NDST3: variants seen among roughly 807,000 people sequenced by gnomAD.
NDST3 encodes N-deacetylase and N-sulfotransferase 3, also known as bifunctional heparan sulfate N-deacetylase/N-sulfotransferase 3.
In NDST3, 58 loss-of-function variants were observed where a neutral mutation model predicts 96.1. The observed-to-expected ratio is 0.60, with a 90% CI of 0.49 to 0.75. The LOEUF (loss-of-function observed/expected upper bound fraction) is 0.75, where lower values mean the gene tolerates loss of function less well. Ranked by LOEUF, NDST3 falls within the 30% of genes least tolerant of loss-of-function variation. The pLI is 0.00. For synonymous variants in NDST3, 333 were observed against 359.7 expected, an observed-to-expected ratio of 0.93 and a Z score of 0.84; for missense variants, 788 against 1,034.2, an observed-to-expected ratio of 0.76 and a Z score of 3.27.
rs541685069 is a variant in NDST3 at position 118,154,292 on chromosome 4, C to A, written c.1539+10608C>A. On this transcript the variant is annotated intron_variant, in intron 6 of 13. Coordinates refer to ENST00000296499, the MANE Select transcript of NDST3 (RefSeq NM_004784.3). ...GTGATTATTTGTGTGTGCATCTTTT[C>A]TACTGTATAATGGGGCATTCTTATT... Among the ~76,000 whole-genome samples, 6 of 152,260 alleles carry A rather than the reference C, an allele frequency of 3.9e-5. No homozygotes were observed. The East Asian group carries it at 1.2e-3, about 29-fold the overall frequency.
At chr4:118,148,465 C>T (rs1323205437) in intron 6 of NDST3, among the ~76,000 whole-genome samples, 3 of 152,170 alleles carry the variant, frequency 2.0e-5, no homozygotes, top group African/African-American at 7.2e-5. Flanking sequence ...CTCTCTGTTT[C>T]TCAATTTGAT....
At chr4:118,248,212 G>A (rs548693966) in intron 12 of NDST3, among the ~76,000 whole-genome samples, 11 of 152,138 alleles carry the variant, frequency 7.2e-5, no homozygotes, top group African/African-American at 2.2e-4. Context: ...TTAGCCAGGC[G>A]TGGTGGCGCA....
At chr4:118,173,607 A>C (rs555780573) in intron 6 of NDST3, among the ~76,000 whole-genome samples, 1 of 152,178 alleles carries the variant, frequency 6.6e-6, no homozygotes, top group Non-Finnish European at 1.5e-5. Context: ...GCATAGCTAT[A>C]TAGCAGTATG....
intron 6 of NDST3, among the ~76,000 whole-genome samples, chr4:118,218,784 T>G (rs1739355943): frequency 6.6e-6 from 1 of 152,090 alleles, no homozygotes; most frequent in Admixed American, 6.5e-5. Flanking sequence ...ATTCTATACT[T>G]AGAAAACCCC....
At chr4:118,095,230 G>A (rs555947992) in intron 2 of NDST3, among the ~76,000 whole-genome samples, 2 of 151,944 alleles carry the variant, frequency 1.3e-5, no homozygotes, top group South Asian at 4.1e-4. Flanking sequence ...AAACCTTGAG[G>A]TGTGAACAAA....
intron 2 of NDST3, among the ~76,000 whole-genome samples, chr4:118,100,296 G>C (rs1195320024): frequency 6.6e-6 from 1 of 151,836 alleles, no homozygotes; most frequent in African/African-American, 2.4e-5. Flanking sequence ...CTGGCTTCAG[G>C]CTTTCAAACT....
In NDST3 at chr4:118,233,012, G is replaced by T; in HGVS notation, c.1820G>T (p.Gly607Val). 2 of 1,609,342 alleles carry T rather than the reference G, an allele frequency of 1.2e-6. No individual in the cohort carries two copies. The highest frequency in any genetic ancestry group is 1.1e-5 in the South Asian group (1 of 90,348). The change falls in exon 9 of 14, where the codon GGT becomes GTT. Residue 607 changes from glycine to valine, a missense_variant and splice_region_variant. Gly to Val is a moderately radical substitution (Grantham distance 109). Transcript: ENST00000296499. The stretch of plus-strand genomic sequence containing the variant: ...TTCTGAACCTCTATTGTCTTTCTAG[G>T]TACCACTGCTTTGTATTTGTTCCTG... Reference protein sequence around the residue: ...KFLVIGPQKTGTTALYLFLVM... With the variant: ...KFLVIGPQKTVTTALYLFLVM...
chr4:118,058,428 G>GAAAAAAA (rs1477789064), intron 2 of NDST3, among the ~76,000 whole-genome samples: 1 of 24,760 alleles, frequency 4.0e-5, no homozygotes, highest in Non-Finnish European at 9.8e-5. Context: ...GCCACAAAAA[G>GAAAAAAA]ACAAAAAAAA....
intron 2 of NDST3, among the ~76,000 whole-genome samples, chr4:118,061,250 C>A (rs1032013461): frequency 1.3e-5 from 2 of 152,164 alleles, no homozygotes; most frequent in South Asian, 4.1e-4. Flanking sequence ...CAGATTGGTG[C>A]ATGGCTCTCT....
chr4:118,040,378 AG>A (rs1724372645), intron 1 of NDST3, among the ~76,000 whole-genome samples: 1 of 152,118 alleles, frequency 6.6e-6, no homozygotes, highest in South Asian at 2.1e-4. Flanking sequence ...ATCTAAGGAA[AG>A]GGGGAGGGGT....
intron 3 of NDST3, among the ~76,000 whole-genome samples, chr4:118,113,765 A>T (rs138469849): frequency 8.4e-4 from 128 of 152,260 alleles, no homozygotes; most frequent in East Asian, 5.2e-3. Context: ...CACAAAAAGG[A>T]CATCATAGGA....
intron 9 of NDST3, 109 bp downstream of exon 9, chr4:118,233,244 C>A: frequency 3.1e-6 from 3 of 982,654 alleles, no homozygotes; most frequent in Non-Finnish European, 4.1e-6. Context: ...TAAAATTTAA[C>A]CTCTGTGCCT....
intron 12 of NDST3, among the ~76,000 whole-genome samples, chr4:118,249,731 T>TACACACACAC (rs60479821): frequency 0.014 from 2,066 of 145,576 alleles, 53 homozygotes; most frequent in African/African-American, 0.048. Flanking sequence ...CAGCCCCACA[T>TACACACACAC]ACACACACAC....
At chr4:118,048,730 A>C (rs1480097022) in intron 1 of NDST3, among the ~76,000 whole-genome samples, 1 of 152,150 alleles carries the variant, frequency 6.6e-6, no homozygotes, top group African/African-American at 2.4e-5. Flanking sequence ...TTCATGAAAC[A>C]AATTCTTCTT....
At chr4:118,039,651 A>G (rs1423294946) in intron 1 of NDST3, among the ~76,000 whole-genome samples, 1 of 152,178 alleles carries the variant, frequency 6.6e-6, no homozygotes, top group Non-Finnish European at 1.5e-5. Flanking sequence ...GATAAGGGGG[A>G]TCAGGGAAGA....
chr4:118,049,996 G>C (rs1286253338), intron 1 of NDST3, among the ~76,000 whole-genome samples: 1 of 151,846 alleles, frequency 6.6e-6, no homozygotes, highest in Non-Finnish European at 1.5e-5. Flanking sequence ...CAAATACTAG[G>C]AAAACAAATC....
chr4:118,238,209 AAGAAAG>A (rs1740800362), intron 10 of NDST3, among the ~76,000 whole-genome samples: 2 of 135,216 alleles, frequency 1.5e-5, no homozygotes, highest in Admixed American at 1.5e-4. Flanking sequence ...GAAAGAAAGA[AAGAAAG>A]AAAGAAAGAA....
chr4:118,137,894 C>T lies in NDST3; in HGVS notation c.1225-160C>T, dbSNP rs1307299104. On this transcript the variant is annotated intron_variant, in intron 4 of 13. Transcript: ENST00000296499. Reference sequence around the variant, plus strand: ...GTGAAATGGCTAACAGGCTTCATGACGTCTAGAGGTGTTAATACTTATATC... The same window carrying T: ...GTGAAATGGCTAACAGGCTTCATGATGTCTAGAGGTGTTAATACTTATATC... Among the ~76,000 whole-genome samples the T allele has an allele frequency of 2.0e-5, 3 of 152,094 alleles. No homozygotes were observed. The South Asian group carries it at 6.2e-4, about 32-fold the overall frequency.
chr4:118,158,052 G>A (rs1189096756), intron 6 of NDST3, among the ~76,000 whole-genome samples: 1 of 152,076 alleles, frequency 6.6e-6, no homozygotes, highest in Non-Finnish European at 1.5e-5. Context: ...TGGGAACTGA[G>A]TTTTCGCCAT....
Sources: gnomAD v4.1 joint callset for allele counts (sites outside exome capture counted in the v4.1 genomes callset) on GRCh38, gnomAD v4.1.1 for gene constraint, MANE v1.5 for transcripts, NCBI Gene and HGNC (gene_info 2026-07-23, HGNC 2026-07-21) for gene names.